The following TSPAN3 variants were observed in gnomAD, a reference collection of about 807,000 sequenced individuals.
TSPAN3 encodes tetraspanin-3.
In TSPAN3, 9 loss-of-function variants were observed where a neutral mutation model predicts 31.1. The ratio of observed to expected loss-of-function variants is 0.29; its 90% CI spans 0.17 to 0.50. The LOEUF is 0.50. Ranked by LOEUF, TSPAN3 falls within the 20% of genes least tolerant of loss-of-function variation. TSPAN3 has a pLI of 0.98. For missense variants in TSPAN3, 252 were observed against 313.5 expected (o/e 0.80, Z 1.48); for synonymous variants, 129 against 114.3 (o/e 1.13, Z -0.82).
chr15:77,053,576 C>T (rs1365066207), intron 4 of TSPAN3, among the ~76,000 whole-genome samples: 1 of 147,070 alleles, frequency 6.8e-6, no homozygotes, highest in African/African-American at 2.5e-5. Context: ...TATCTGGTTC[C>T]ATGTTAAATA....
At chr15:77,053,855 G>A (rs2076749938) in intron 4 of TSPAN3, among the ~76,000 whole-genome samples, 1 of 151,940 alleles carries the variant, frequency 6.6e-6, no homozygotes. Flanking sequence ...CACCTCCCCT[G>A]GAGTCAATCT....
intron 6 of TSPAN3, among the ~76,000 whole-genome samples, chr15:77,051,718 T>A (rs569618337): frequency 2.7e-5 from 4 of 148,974 alleles, no homozygotes; most frequent in Admixed American, 2.7e-4. Context: ...ATTAGTCTGG[T>A]GTGGTGGCCC....
chr15:77,046,667 C>T lies in TSPAN3; in HGVS notation c.*168G>A, dbSNP rs973470343. On this transcript the variant is annotated 3_prime_UTR_variant, in exon 7 of 7. Transcript: ENST00000267970. The stretch of plus-strand genomic sequence containing the variant: ...CAGCTAGAACAAGGAAAAAGAAAGT[C>T]GCAGGTAGTAGGTAAGTAGGTGGGC... 5.3e-6 allele frequency: 3 copies of T among 566,392 alleles called. No individual in the cohort carries two copies. Among genetic ancestry groups the T allele is most frequent in the South Asian group, 4.8e-5 (2 of 42,068 alleles). The allele number at this position is 566,392 out of a possible 1,614,324, so 35.1% of individuals were successfully genotyped here.
intron 6 of TSPAN3, among the ~76,000 whole-genome samples, chr15:77,051,313 A>C (rs1322925903): frequency 6.6e-6 from 1 of 152,104 alleles, no homozygotes; most frequent in Non-Finnish European, 1.5e-5. Context: ...GGATCACCTG[A>C]GGTCAGGAGT....
intron 1 of TSPAN3, among the ~76,000 whole-genome samples, chr15:77,058,270 G>A (rs936287849): frequency 2.0e-5 from 3 of 152,138 alleles, no homozygotes; most frequent in African/African-American, 7.2e-5. Flanking sequence ...GTGAGTCCCC[G>A]ATGAACCAAG....
At chr15:77,053,249 A>G (rs1282624744) in intron 4 of TSPAN3, among the ~76,000 whole-genome samples, 2 of 151,970 alleles carry the variant, frequency 1.3e-5, no homozygotes, top group Non-Finnish European at 2.9e-5. Context: ...TAATCCCAGC[A>G]CTTTGGGAGG....
chr15:77,067,229 C>T (rs1199008078), intron 1 of TSPAN3, among the ~76,000 whole-genome samples: 1 of 152,156 alleles, frequency 6.6e-6, no homozygotes, highest in East Asian at 1.9e-4. Context: ...AGACAAATTT[C>T]AGGATTTTAG....
In TSPAN3 at chr15:77,056,169, C is replaced by A. The variant is rs756674407; in HGVS notation, c.150G>T (p.Thr50=). The change falls in exon 2 of 7, where the codon ACG becomes ACT. Residue 50 remains threonine, a synonymous_variant. Coordinates refer to ENST00000267970, the MANE Select transcript of TSPAN3 (RefSeq NM_005724.6). ...CTATGATCACTACAGCAGGGATGAG[C>A]GTGTACACATCTTCAAAGAAGTGGT... The part of the protein sequence containing the change: ...DYDHFFEDVY[T]LIPAVVIIAV... The A allele has an allele frequency of 1.9e-6, 3 of 1,613,902 alleles. No homozygotes were observed. The highest frequency in any genetic ancestry group is 1.1e-5 in the South Asian group (1 of 91,060).
intron 1 of TSPAN3, among the ~76,000 whole-genome samples, chr15:77,059,873 G>T (rs2076790282): frequency 6.6e-6 from 1 of 152,154 alleles, no homozygotes; most frequent in South Asian, 2.1e-4. Context: ...AGGTTCCTAT[G>T]AGACTCACAC....
chr15:77,052,637 C>T, intron 5 of TSPAN3, 140 bp downstream of exon 5: 11 of 1,097,660 alleles, frequency 1.0e-5, no homozygotes, highest in South Asian at 1.6e-5. Context: ...CAAAGACATG[C>T]ATTTTATAAT....
Position 77,044,466 on chromosome 15 carries a change from C to T in TSPAN3, c.*2369G>A, listed in dbSNP as rs2076677494. 1 of 152,206 alleles carries T rather than the reference C, an allele frequency of 6.6e-6. No individual in the cohort carries two copies. Among genetic ancestry groups the T allele is most frequent in the African/African-American group, 2.4e-5 (1 of 41,446 alleles). 9.4% of individuals were successfully genotyped at this position (152,206 alleles called of 1,614,324 possible). A position where few individuals can be genotyped will look rare whatever the true frequency, so the allele number is the denominator to read the frequency against. On this transcript the variant is annotated 3_prime_UTR_variant, in exon 7 of 7. Coordinates refer to ENST00000267970, the MANE Select transcript of TSPAN3 (RefSeq NM_005724.6). ...AAAGGCATTTCCAGGACAACTGTGCCAGGAATTAAACACAAGTTAAAACTG... is the reference window on the plus strand; with the variant it reads ...AAAGGCATTTCCAGGACAACTGTGCTAGGAATTAAACACAAGTTAAAACTG...
chr15:77,052,363 C>T lies in TSPAN3; in HGVS notation c.669+22G>A, dbSNP rs547792503. The T allele has an allele frequency of 2.7e-4, 429 of 1,611,712 alleles. 4 individuals are homozygous for T. The South Asian group carries it at 4.4e-3, about 16-fold the overall frequency. ...AGAGAACCAACTCACTCCGATAGAA[C>T]TCCTTGGCAAGCTGTGCTTACCTGA... On this transcript the variant is annotated intron_variant, in intron 6 of 6. Coordinates refer to ENST00000267970, the MANE Select transcript of TSPAN3 (RefSeq NM_005724.6).
intron 2 of TSPAN3, 96 bp from the exon 3 acceptor site, chr15:77,055,959 A>G: frequency 6.6e-7 from 1 of 1,519,220 alleles, no homozygotes; most frequent in Non-Finnish European, 8.9e-7. Flanking sequence ...AATTGCTAGA[A>G]GTTTAAATGT....
At chr15:77,059,646 A>T (rs1327834391) in intron 1 of TSPAN3, among the ~76,000 whole-genome samples, 5 of 152,312 alleles carry the variant, frequency 3.3e-5, no homozygotes, top group Middle Eastern at 3.4e-3. Flanking sequence ...TTACTCTAAA[A>T]GGCAGTATTT....
intron 6 of TSPAN3, among the ~76,000 whole-genome samples, chr15:77,048,945 G>T (rs2076710740): frequency 6.6e-6 from 1 of 152,024 alleles, no homozygotes; most frequent in Non-Finnish European, 1.5e-5. Context: ...TCTTTTCTGA[G>T]AAAAAATTGG....
rs1296354932 is a variant in TSPAN3 at position 77,046,585 on chromosome 15, TG to T, written c.*249del. The T allele has an allele frequency of 5.7e-6, 3 of 527,076 alleles. No homozygotes were observed. Among genetic ancestry groups the T allele is most frequent in the Non-Finnish European group, 1.0e-5 (3 of 299,224 alleles). 32.6% of individuals were successfully genotyped at this position (527,076 alleles called of 1,614,324 possible). On this transcript the variant is annotated 3_prime_UTR_variant, in exon 7 of 7. Coordinates refer to ENST00000267970, the MANE Select transcript of TSPAN3 (RefSeq NM_005724.6). ...TCTACCACACTACATGACTCGCAATTGGTTCTGAAATTAGAACGTTCACCAT... is the reference window on the plus strand; with the variant it reads ...TCTACCACACTACATGACTCGCAATTGTTCTGAAATTAGAACGTTCACCAT...
At chr15:77,055,314 C>T (rs1335681240) in intron 3 of TSPAN3, 1 of 152,948 alleles carries the variant, frequency 6.5e-6, no homozygotes, top group Non-Finnish European at 1.5e-5. Flanking sequence ...GCACCAGCTG[C>T]CTTGGTGTTC....
chr15:77,064,653 T>C (rs1037105040), intron 1 of TSPAN3: 2 of 152,344 alleles, frequency 1.3e-5, no homozygotes, highest in Admixed American at 6.5e-5. Context: ...AGTGGAAACA[T>C]TCATTTTCTT....
rs1214473808 is a variant in TSPAN3 at position 77,054,140 on chromosome 15, T to G, written c.432+38A>C. 2.1e-6 allele frequency: 3 copies of G among 1,437,844 alleles called. No homozygotes were observed. In the African/African-American group the frequency reaches 4.2e-5, roughly 20 times the overall value. The allele number at this position is 1,437,844 out of a possible 1,614,324, so 89.1% of individuals were successfully genotyped here. ...TAGTTTAATGTTGACCCAATCGTGA[T>G]TGGTCCTCAAAAACAAATCTGCCTC... On this transcript the variant is annotated intron_variant, in intron 4 of 6. Transcript: ENST00000267970.
Sources: gnomAD v4.1 joint callset for allele counts (sites outside exome capture counted in the v4.1 genomes callset) on GRCh38, gnomAD v4.1.1 for gene constraint, MANE v1.5 for transcripts, NCBI Gene and HGNC (gene_info 2026-07-23, HGNC 2026-07-21) for gene names.